WWOX: variants seen among roughly 807,000 people sequenced by gnomAD.
WWOX encodes the protein WW domain-containing oxidoreductase.
Under a neutral mutation model 46.2 loss-of-function variants are expected in WWOX, and 69 were observed. That is an observed-to-expected ratio of 1.49 (90% CI 1.23 to 1.82). The LOEUF (loss-of-function observed/expected upper bound fraction) is 1.82. WWOX is among the 40% of genes most tolerant of loss of function. The pLI, the probability that WWOX is intolerant of heterozygous loss-of-function variation, is 0.00. For missense variants in WWOX, 919 were observed against 542.6 expected (o/e 1.69, Z -6.89); for synonymous variants, 359 against 202.6 (o/e 1.77, Z -6.56).
At chr16:78,736,512 A>G (rs1273240989) in intron 8 of WWOX, among the ~76,000 whole-genome samples, 2 of 152,178 alleles carry the variant, frequency 1.3e-5, no homozygotes, top group South Asian at 2.1e-4. Context: ...GACAACACAC[A>G]TATCATCAAA....
rs184435663 is a variant in WWOX at position 78,799,252 on chromosome 16, G to C, written c.1056+366500G>C. On this transcript the variant is annotated intron_variant, in intron 8 of 8. Transcript: ENST00000566780. ...TCTGGAGTTAGGCTTGTGTCTTGCC[G>C]TCTCTTTAACGGAGAGTTCATGGGC... 7.6e-3 allele frequency among the ~76,000 whole-genome samples: 1,153 copies of C among 152,240 alleles called. 17 individuals are homozygous for C. Among genetic ancestry groups the C allele is most frequent in the African/African-American group, 0.026 (1,079 of 41,534 alleles).
intron 8 of WWOX, among the ~76,000 whole-genome samples, chr16:79,117,692 T>A (rs1053445306): frequency 3.9e-5 from 6 of 152,266 alleles, no homozygotes; most frequent in Admixed American, 6.5e-5. Flanking sequence ...CTAGATCTTC[T>A]GGAAAACTTG....
chr16:79,115,936 G>A (rs530643867), intron 8 of WWOX, among the ~76,000 whole-genome samples: 14 of 152,230 alleles, frequency 9.2e-5, no homozygotes, highest in South Asian at 8.3e-4. Context: ...TGCAGATCCC[G>A]TTCCAGACCA....
At chr16:78,934,487 C>T (rs1432488400) in intron 8 of WWOX, among the ~76,000 whole-genome samples, 2 of 114,198 alleles carry the variant, frequency 1.8e-5, no homozygotes, top group Non-Finnish European at 3.4e-5. Context: ...GCAGCCTGGG[C>T]AACAGTGCGA....
intron 5 of WWOX, among the ~76,000 whole-genome samples, chr16:78,213,820 A>G (rs181015173): frequency 1.9e-3 from 287 of 152,284 alleles, no homozygotes; most frequent in Admixed American, 3.3e-3. Flanking sequence ...ATAATATCCA[A>G]TTAGGCTAAG....
At position 78,708,397 on chromosome 16, in the gene WWOX, C is replaced by A. The variant is rs151159498; in HGVS notation, c.1056+275645C>A. Among the ~76,000 whole-genome samples the A allele has an allele frequency of 1.2e-4, 19 of 152,242 alleles. 1 individual carries two copies. Among genetic ancestry groups the A allele is most frequent in the Admixed American group, 3.3e-4 (5 of 15,296 alleles). On this transcript the variant is annotated intron_variant, in intron 8 of 8. Coordinates refer to ENST00000566780, the MANE Select transcript of WWOX (RefSeq NM_016373.4). ...GTGTTTTTATTTGCTAGACGTAGCA[C>A]CTACCTGTGACATCTTTTTGTTTCT...
At chr16:78,378,093 C>T (rs1183406073) in intron 5 of WWOX, among the ~76,000 whole-genome samples, 1 of 151,932 alleles carries the variant, frequency 6.6e-6, no homozygotes, top group Non-Finnish European at 1.5e-5. Context: ...CTCTGTTCTT[C>T]AAGAATCCCC....
At chr16:78,801,794 T>TG (rs1420962450) in intron 8 of WWOX, among the ~76,000 whole-genome samples, 15 of 151,960 alleles carry the variant, frequency 9.9e-5, no homozygotes. Context: ...GGACATTTCA[T>TG]TTTTTTTAGG....
chr16:78,693,514 TTA>T (rs944360733), intron 8 of WWOX, among the ~76,000 whole-genome samples: 35 of 152,300 alleles, frequency 2.3e-4, no homozygotes, highest in African/African-American at 8.2e-4. Flanking sequence ...ATAGAAATAA[TTA>T]TGTTTGTTTA....
intron 5 of WWOX, among the ~76,000 whole-genome samples, chr16:78,374,873 A>G (rs1236796901): frequency 1.3e-5 from 2 of 151,774 alleles, no homozygotes; most frequent in African/African-American, 4.8e-5. Context: ...TTTAGTAGAG[A>G]CGGGTTTTCA....
At chr16:78,612,091 A>G (rs1343389432) in intron 8 of WWOX, among the ~76,000 whole-genome samples, 2 of 152,184 alleles carry the variant, frequency 1.3e-5, no homozygotes, top group African/African-American at 4.8e-5. Flanking sequence ...TAGTGTTGGT[A>G]GATTGAGATG....
intron 8 of WWOX, among the ~76,000 whole-genome samples, chr16:79,208,986 C>G (rs561949425): frequency 6.6e-6 from 1 of 152,106 alleles, no homozygotes; most frequent in Non-Finnish European, 1.5e-5. Flanking sequence ...CAAAGGTGGA[C>G]GATTGATTTT....
At chr16:78,594,986 G>C (rs1229762274) in intron 8 of WWOX, among the ~76,000 whole-genome samples, 1 of 152,178 alleles carries the variant, frequency 6.6e-6, no homozygotes, top group Non-Finnish European at 1.5e-5. Flanking sequence ...CCTTACTGTT[G>C]AAGACTTGTG....
chr16:78,356,577 C>G (rs76422161), intron 5 of WWOX, among the ~76,000 whole-genome samples: 4 of 152,094 alleles, frequency 2.6e-5, no homozygotes, highest in Non-Finnish European at 5.9e-5. Context: ...CTTTGAAAGA[C>G]TATCACATGG....
At chr16:79,042,194 C>A (rs2047984504) in intron 8 of WWOX, among the ~76,000 whole-genome samples, 1 of 152,150 alleles carries the variant, frequency 6.6e-6, no homozygotes, top group South Asian at 2.1e-4. Flanking sequence ...AGTGCCCTAG[C>A]TGGGGTTGGA....
chr16:79,042,202 G>A (rs1319896940), intron 8 of WWOX, among the ~76,000 whole-genome samples: 3 of 151,786 alleles, frequency 2.0e-5, no homozygotes, highest in Non-Finnish European at 4.4e-5. Context: ...AGCTGGGGTT[G>A]GAAACTCTGT....
At chr16:79,153,054 G>C (rs2050312296) in intron 8 of WWOX, among the ~76,000 whole-genome samples, 1 of 152,180 alleles carries the variant, frequency 6.6e-6, no homozygotes, top group Admixed American at 6.5e-5. Flanking sequence ...AGAGCGAGCG[G>C]AGGCCTGGTT....
At chr16:78,690,830 G>C (rs2047969264) in intron 8 of WWOX, among the ~76,000 whole-genome samples, 1 of 152,136 alleles carries the variant, frequency 6.6e-6, no homozygotes, top group African/African-American at 2.4e-5. Context: ...TGTTTCAAGA[G>C]CTCCAGCAGC....
intron 8 of WWOX, among the ~76,000 whole-genome samples, chr16:79,154,313 C>T (rs775222164): frequency 1.3e-5 from 2 of 152,158 alleles, no homozygotes; most frequent in Non-Finnish European, 2.9e-5. Context: ...TTGTTTCCAG[C>T]TGAGTTTCCT....
Sources: allele counts gnomAD v4.1 joint callset (sites outside exome capture counted in the v4.1 genomes callset), GRCh38; gene constraint gnomAD v4.1.1; transcripts MANE v1.5; gene names NCBI Gene and HGNC (gene_info 2026-07-23, HGNC 2026-07-21).